Variants in AMPH observed in about 807,000 individuals in gnomAD.
AMPH encodes amphiphysin (Stiff-Mann syndrome with breast cancer 128kD autoantigen).
A neutral mutation model predicts 99.1 loss-of-function variants in AMPH; 49 were observed. The ratio of observed to expected loss-of-function variants is 0.49; its 90% CI spans 0.39 to 0.63. The LOEUF is 0.63. AMPH is among the 20% of genes least tolerant of loss of function. The pLI is 0.00. For synonymous variants in AMPH, 314 were observed against 317.3 expected (o/e 0.99, Z 0.11); for missense variants, 759 against 863.4 (o/e 0.88, Z 1.52).
chr7:38,491,202 A>C, intron 4 of AMPH, 57 bp from the exon 5 acceptor site: 1 of 1,198,212 alleles, frequency 8.3e-7, no homozygotes, highest in Non-Finnish European at 1.2e-6. Flanking sequence ...CTTTCACCAA[A>C]CTTCTAAAAA....
At chr7:38,472,574 G>A (rs1340037923) in intron 7 of AMPH, among the ~76,000 whole-genome samples, 1 of 152,114 alleles carries the variant, frequency 6.6e-6, no homozygotes, top group Non-Finnish European at 1.5e-5. Flanking sequence ...CTAGCAAATA[G>A]AAAGTATTCC....
At chr7:38,571,139 T>G (rs1452844912) in intron 1 of AMPH, among the ~76,000 whole-genome samples, 1 of 65,058 alleles carries the variant, frequency 1.5e-5, no homozygotes. Flanking sequence ...ATATATATTT[T>G]TATATATTTA....
chr7:38,612,332 T>C (rs2129066806), intron 1 of AMPH, among the ~76,000 whole-genome samples: 1 of 152,202 alleles, frequency 6.6e-6, no homozygotes, highest in East Asian at 1.9e-4. Flanking sequence ...CACCTCGGCC[T>C]CCCAAAGTGC....
intron 1 of AMPH, among the ~76,000 whole-genome samples, chr7:38,581,588 C>G (rs1416722935): frequency 6.6e-6 from 1 of 152,130 alleles, no homozygotes; most frequent in African/African-American, 2.4e-5. Flanking sequence ...ACGATAGAGC[C>G]TCACTCACCT....
chr7:38,481,537 T>A (rs1788280603), intron 5 of AMPH, among the ~76,000 whole-genome samples: 1 of 152,174 alleles, frequency 6.6e-6, no homozygotes, highest in African/African-American at 2.4e-5. Context: ...TTACAATAAC[T>A]GCTCACAGCT....
chr7:38,454,803 C>T (rs567649643), intron 11 of AMPH, among the ~76,000 whole-genome samples: 2 of 152,148 alleles, frequency 1.3e-5, no homozygotes, highest in African/African-American at 4.8e-5. Flanking sequence ...GGTGAAGCAA[C>T]AAAAAAGTTG....
At chr7:38,618,730 G>A (rs1046243704) in intron 1 of AMPH, among the ~76,000 whole-genome samples, 1 of 151,856 alleles carries the variant, frequency 6.6e-6, no homozygotes, top group African/African-American at 2.4e-5. Flanking sequence ...CAACCACTAA[G>A]AAAATAACTC....
chr7:38,413,144 T>G (rs1785262030), intron 17 of AMPH, among the ~76,000 whole-genome samples: 1 of 152,214 alleles, frequency 6.6e-6, no homozygotes, highest in African/African-American at 2.4e-5. Context: ...AAACTGTCAT[T>G]AACTAATAAC....
At chr7:38,505,375 C>G (rs920071616) in intron 2 of AMPH, among the ~76,000 whole-genome samples, 1 of 152,098 alleles carries the variant, frequency 6.6e-6, no homozygotes, top group Non-Finnish European at 1.5e-5. Context: ...GCTCTATAAA[C>G]CCGGTTACTA....
chr7:38,461,522 G>T, intron 10 of AMPH, 111 bp from the exon 11 acceptor site: 2 of 1,298,672 alleles, frequency 1.5e-6, no homozygotes, highest in East Asian at 4.7e-5. Flanking sequence ...ATTGAAACTT[G>T]TATCTGCATA....
chr7:38,499,934 G>A (rs890034867), intron 3 of AMPH, among the ~76,000 whole-genome samples: 4 of 152,176 alleles, frequency 2.6e-5, no homozygotes, highest in Admixed American at 1.3e-4. Flanking sequence ...CGCAAGACAT[G>A]CCTTTGCTCC....
intron 2 of AMPH, among the ~76,000 whole-genome samples, chr7:38,520,504 A>G (rs1789917538): frequency 6.6e-6 from 1 of 152,264 alleles, no homozygotes; most frequent in Non-Finnish European, 1.5e-5. Context: ...AGCAAGTACT[A>G]GAAGCCATTG....
chr7:38,508,451 AG>A (rs1789415978), intron 2 of AMPH, among the ~76,000 whole-genome samples: 1 of 152,242 alleles, frequency 6.6e-6, no homozygotes, highest in Admixed American at 6.5e-5. Flanking sequence ...TGTTATAAAA[AG>A]AAAAAGAAAG....
chr7:38,427,115 G>T, intron 14 of AMPH, 129 bp from the exon 15 acceptor site: 1 of 761,026 alleles, frequency 1.3e-6, no homozygotes, highest in Non-Finnish European at 2.1e-6. Context: ...AAAGGTTGCT[G>T]TGCATGAAAG....
chr7:38,553,444 G>C (rs899987959), intron 1 of AMPH, among the ~76,000 whole-genome samples: 3 of 152,196 alleles, frequency 2.0e-5, no homozygotes, highest in Non-Finnish European at 4.4e-5. Context: ...CAACCATTTT[G>C]TAGTTTTAAA....
intron 11 of AMPH, among the ~76,000 whole-genome samples, chr7:38,451,605 T>G (rs1787041725): frequency 6.6e-6 from 1 of 152,002 alleles, no homozygotes; most frequent in African/African-American, 2.4e-5. Flanking sequence ...CTAAACAAAG[T>G]TGAATGGAAC....
chr7:38,503,376 T>A (rs1179923108), intron 3 of AMPH, among the ~76,000 whole-genome samples: 2 of 152,170 alleles, frequency 1.3e-5, no homozygotes, highest in African/African-American at 4.8e-5. Flanking sequence ...AAGCTCACTC[T>A]AAGAAATTTT....
chr7:38,524,145 G>C (rs1203097545), intron 2 of AMPH, among the ~76,000 whole-genome samples: 3 of 152,086 alleles, frequency 2.0e-5, no homozygotes, highest in Admixed American at 6.6e-5. Flanking sequence ...CTTCCCAGAA[G>C]CTAATTATTA....
intron 5 of AMPH, among the ~76,000 whole-genome samples, chr7:38,477,861 T>A (rs964366314): frequency 2.6e-5 from 4 of 151,960 alleles, no homozygotes; most frequent in Non-Finnish European, 5.9e-5. Context: ...GACCTCTAGA[T>A]TTTAGGCAAA....
Sources: allele counts gnomAD v4.1 joint callset (sites outside exome capture counted in the v4.1 genomes callset), GRCh38; gene constraint gnomAD v4.1.1; transcripts MANE v1.5; gene names NCBI Gene and HGNC (gene_info 2026-07-23, HGNC 2026-07-21).